Variants in GNB1 observed in about 807,000 individuals in gnomAD.
GNB1 encodes the protein guanine nucleotide-binding protein G(I)/G(S)/G(T) subunit beta-1.
Under a neutral mutation model 42.9 loss-of-function variants are expected in GNB1, and 2 were observed. The observed-to-expected ratio is 0.05, with a 90% CI of 0.02 to 0.15. The LOEUF is 0.15. GNB1 is among the 10% of genes least tolerant of loss of function. The pLI is 1.00. For missense variants in GNB1, 193 were observed against 462.2 expected (o/e 0.42, Z 5.34); for synonymous variants, 183 against 174.7 (o/e 1.05, Z -0.38).
At chr1:1,830,011 A>G (rs1008439838) in intron 2 of GNB1, among the ~76,000 whole-genome samples, 4 of 152,086 alleles carry the variant, frequency 2.6e-5, no homozygotes, top group African/African-American at 9.7e-5. Flanking sequence ...AAGTGCTGGG[A>G]TTACAGGTGT....
At chr1:1,807,086 C>T (rs1557891890) in intron 5 of GNB1, among the ~76,000 whole-genome samples, 1 of 152,122 alleles carries the variant, frequency 6.6e-6, no homozygotes, top group Non-Finnish European at 1.5e-5. Context: ...TGGCCCCAAC[C>T]GAATGCAGGC....
chr1:1,794,191 A>G (rs1646517379), intron 7 of GNB1: 1 of 152,204 alleles, frequency 6.6e-6, no homozygotes, highest in Non-Finnish European at 1.5e-5. Flanking sequence ...GAAAAGCAAC[A>G]ACAAAAAATC....
In GNB1 at chr1:1,806,613, C is replaced by G. The variant is rs530382280; in HGVS notation, c.204-75G>C. 52 of 963,920 alleles carry G rather than the reference C, an allele frequency of 5.4e-5. No individual in the cohort carries two copies. The East Asian group carries it at 1.2e-3, about 23-fold the overall frequency. The allele number at this position is 963,920 out of a possible 1,614,324, so 59.7% of individuals were successfully genotyped here. A position where few individuals can be genotyped will look rare whatever the true frequency, so the allele number is the denominator to read the frequency against. On this transcript the variant is annotated intron_variant, in intron 5 of 11. Coordinates refer to ENST00000378609, the MANE Select transcript of GNB1 (RefSeq NM_002074.5). The stretch of plus-strand genomic sequence containing the variant: ...GTGTACAAGAGCAACAGACTAAAAC[C>G]CAGACTCTGGTGGCTTATGTGCTCC...
chr1:1,888,764 G>T (rs538143170), intron 1 of GNB1, among the ~76,000 whole-genome samples: 49 of 152,224 alleles, frequency 3.2e-4, no homozygotes, highest in Non-Finnish European at 6.5e-4. Context: ...CTTGAACCCG[G>T]GGGCGCGGAG....
At chr1:1,870,946 T>C (rs1649214680) in intron 1 of GNB1, among the ~76,000 whole-genome samples, 1 of 151,770 alleles carries the variant, frequency 6.6e-6, no homozygotes, top group African/African-American at 2.4e-5. Flanking sequence ...AACAATAAAA[T>C]AAAATAAAAA....
chr1:1,791,041 T>C (rs1570620426), intron 8 of GNB1, among the ~76,000 whole-genome samples: 1 of 152,012 alleles, frequency 6.6e-6, no homozygotes, highest in South Asian at 2.1e-4. Context: ...CTCCACAGGG[T>C]CTCAGAAAAG....
chr1:1,805,512 T>C (rs1646685241), intron 6 of GNB1, among the ~76,000 whole-genome samples: 1 of 152,238 alleles, frequency 6.6e-6, no homozygotes, highest in East Asian at 1.9e-4. Context: ...TGCATTATCC[T>C]GTCAAATGGC....
intron 1 of GNB1, among the ~76,000 whole-genome samples, chr1:1,873,937 A>T (rs909825796): frequency 6.6e-6 from 1 of 152,306 alleles, no homozygotes; most frequent in South Asian, 2.1e-4. Context: ...GTGGGGACTA[A>T]ATACAAGAGG....
At chr1:1,810,387 T>C (rs1484520363) in intron 5 of GNB1, among the ~76,000 whole-genome samples, 1 of 151,738 alleles carries the variant, frequency 6.6e-6, no homozygotes, top group Non-Finnish European at 1.5e-5. Flanking sequence ...TTTTTAAAAA[T>C]TAGCTGGGCA....
At chr1:1,869,806 A>G (rs1207718103) in intron 1 of GNB1, among the ~76,000 whole-genome samples, 1 of 152,112 alleles carries the variant, frequency 6.6e-6, no homozygotes, top group African/African-American at 2.4e-5. Flanking sequence ...ACGCTAACAC[A>G]CTTGTACAAC....
chr1:1,810,893 C>A lies in GNB1; in HGVS notation c.204-4355G>T, dbSNP rs558021357. Among the ~76,000 whole-genome samples, 10 of 152,048 alleles carry A rather than the reference C, an allele frequency of 6.6e-5. No individual in the cohort carries two copies. The South Asian group carries it at 2.1e-3, about 32-fold the overall frequency. On this transcript the variant is annotated intron_variant, in intron 5 of 11. Transcript: ENST00000378609. ...ATATTGGGCAGGCTGGTCTCAAACT[C>A]CTGACCTCAGGTGATCCACCCGCCT...
intron 3 of GNB1, 66 bp downstream of exon 3, chr1:1,825,331 T>C (rs1646982096): frequency 8.7e-7 from 1 of 1,153,114 alleles, no homozygotes; most frequent in Admixed American, 1.7e-5. Flanking sequence ...CCATTTTTCC[T>C]AAAACAAGTA....
At chr1:1,793,369 CATACATAGAGAA>C in intron 7 of GNB1, 58 bp from the exon 8 acceptor site, 1 of 1,186,636 alleles carries the variant, frequency 8.4e-7, no homozygotes, top group East Asian at 2.4e-5. Flanking sequence ...CACCCAGCCT[CATACATAGAGAA>C]ACACATTGGC....
rs527908475 is a variant in GNB1, at chr1:1,878,712, G to A, written c.-96+12108C>T. Among the ~76,000 whole-genome samples the A allele has an allele frequency of 1.8e-4, 28 of 152,284 alleles. No individual in the cohort carries two copies. In the Middle Eastern group the frequency reaches 0.017, roughly 92 times the overall value. On this transcript the variant is annotated intron_variant, in intron 1 of 11. Coordinates refer to ENST00000378609, the MANE Select transcript of GNB1 (RefSeq NM_002074.5). ...CTCTCCTTGGCACATCTTTGGCCCT[G>A]AATACGCATTTTACAAAAGATCTCT... is the stretch of plus-strand genomic sequence containing the variant.
chr1:1,799,064 G>A (rs952819560), intron 7 of GNB1, among the ~76,000 whole-genome samples: 8 of 152,110 alleles, frequency 5.3e-5, no homozygotes, highest in Non-Finnish European at 7.3e-5. Flanking sequence ...GGGACTACAG[G>A]TGCCCGCCAC....
intron 4 of GNB1, among the ~76,000 whole-genome samples, chr1:1,816,828 A>T (rs1209130746): frequency 6.6e-6 from 1 of 151,636 alleles, no homozygotes; most frequent in Non-Finnish European, 1.5e-5. Flanking sequence ...TTTGTATTTT[A>T]GTAGGGACAG....
chr1:1,819,126 G>A (rs1475684432), intron 3 of GNB1, among the ~76,000 whole-genome samples: 2 of 152,052 alleles, frequency 1.3e-5, no homozygotes, highest in African/African-American at 4.8e-5. Flanking sequence ...GAGAACGTAC[G>A]TTTAGAAATA....
At chr1:1,813,200 A>C (rs963542561) in intron 5 of GNB1, among the ~76,000 whole-genome samples, 1 of 151,290 alleles carries the variant, frequency 6.6e-6, no homozygotes, top group Non-Finnish European at 1.5e-5. Flanking sequence ...CCAGTGGTGC[A>C]ATTTCGGCTC....
intron 1 of GNB1, among the ~76,000 whole-genome samples, chr1:1,875,912 TAGTTA>T (rs368331857): frequency 5.1e-4 from 78 of 152,232 alleles, no homozygotes; most frequent in African/African-American, 1.8e-3. Flanking sequence ...CAGGTATGAT[TAGTTA>T]AGTTAAAACG....
Sources: allele counts gnomAD v4.1 joint callset (sites outside exome capture counted in the v4.1 genomes callset), GRCh38; gene constraint gnomAD v4.1.1; transcripts MANE v1.5; gene names NCBI Gene and HGNC (gene_info 2026-07-23, HGNC 2026-07-21).